Variants in VAV3 observed in about 807,000 individuals in gnomAD.
The protein encoded by VAV3 is vav guanine nucleotide exchange factor 3.
Under a neutral mutation model 131.2 loss-of-function variants are expected in VAV3, and 94 were observed. The observed-to-expected ratio is 0.72, with a 90% CI of 0.61 to 0.85. The LOEUF (loss-of-function observed/expected upper bound fraction) is 0.85. Among genes scored for constraint, VAV3 ranks in the 40% least tolerant of loss-of-function variants. The pLI is 0.00. For missense variants in VAV3, 939 were observed against 1,002.7 expected, an observed-to-expected ratio of 0.94 and a Z score of 0.86; for synonymous variants, 349 against 342.0, an observed-to-expected ratio of 1.02 and a Z score of -0.22.
intron 1 of VAV3, among the ~76,000 whole-genome samples, chr1:107,963,200 C>T (rs773545834): frequency 3.3e-5 from 5 of 152,102 alleles, no homozygotes; most frequent in Non-Finnish European, 7.4e-5. Flanking sequence ...GTACTGTACT[C>T]CCTACTGGTG....
chr1:107,822,122 C>T (rs1667817536), intron 2 of VAV3, among the ~76,000 whole-genome samples: 3 of 152,112 alleles, frequency 2.0e-5, no homozygotes, highest in Non-Finnish European at 2.9e-5. Flanking sequence ...AGCAGGCATA[C>T]TTTTTGACTG....
At chr1:107,945,900 G>C (rs2101303538) in intron 1 of VAV3, among the ~76,000 whole-genome samples, 2 of 151,612 alleles carry the variant, frequency 1.3e-5, no homozygotes, top group East Asian at 3.9e-4. Flanking sequence ...GTATACAAGG[G>C]GTATTTGGAA....
chr1:107,604,139 G>T (rs1652084942), intron 22 of VAV3, among the ~76,000 whole-genome samples: 1 of 152,130 alleles, frequency 6.6e-6, no homozygotes, highest in Non-Finnish European at 1.5e-5. Flanking sequence ...TTAGTCAATA[G>T]AACTTAAAAG....
At chr1:107,914,044 C>T (rs1672498253) in intron 1 of VAV3, among the ~76,000 whole-genome samples, 1 of 152,198 alleles carries the variant, frequency 6.6e-6, no homozygotes, top group Non-Finnish European at 1.5e-5. Flanking sequence ...ATCTGCCCGC[C>T]TTGGCCTCCC....
At chr1:107,605,416 C>T (rs761527436) in intron 22 of VAV3, among the ~76,000 whole-genome samples, 8 of 152,170 alleles carry the variant, frequency 5.3e-5, no homozygotes, top group African/African-American at 1.4e-4. Context: ...ACTGCTTCCT[C>T]GCTTTGTGAT....
chr1:107,843,500 G>A (rs1010710587), intron 2 of VAV3, among the ~76,000 whole-genome samples: 11 of 148,300 alleles, frequency 7.4e-5, no homozygotes, highest in African/African-American at 2.2e-4. Context: ...GAATTACACT[G>A]TTGAGATTAA....
At chr1:107,767,106 C>T (rs2102163629) in intron 7 of VAV3, among the ~76,000 whole-genome samples, 1 of 152,248 alleles carries the variant, frequency 6.6e-6, no homozygotes, top group South Asian at 2.1e-4. Flanking sequence ...GTACTTTGGT[C>T]AATTAGTGGT....
intron 1 of VAV3, among the ~76,000 whole-genome samples, chr1:107,913,026 C>G (rs1672443675): frequency 6.6e-6 from 1 of 152,158 alleles, no homozygotes; most frequent in Non-Finnish European, 1.5e-5. Flanking sequence ...TATACTACCT[C>G]TAAACTAAGC....
chr1:107,902,759 A>G (rs1671924422), intron 1 of VAV3, among the ~76,000 whole-genome samples: 1 of 152,192 alleles, frequency 6.6e-6, no homozygotes, highest in Non-Finnish European at 1.5e-5. Context: ...GAAGGCCAGT[A>G]GGATACAAAT....
chr1:107,852,228 T>C (rs545001974), intron 2 of VAV3, among the ~76,000 whole-genome samples: 4 of 152,322 alleles, frequency 2.6e-5, no homozygotes, highest in African/African-American at 7.2e-5. Flanking sequence ...ATTCCCTTTT[T>C]AGTTTCCCTG....
intron 15 of VAV3, among the ~76,000 whole-genome samples, chr1:107,712,261 T>C (rs1660832497): frequency 6.6e-6 from 1 of 151,848 alleles, no homozygotes; most frequent in Admixed American, 6.6e-5. Flanking sequence ...AGAGCAAGCT[T>C]GTCCAGCCCA....
At chr1:107,706,913 G>A (rs573005972) in intron 15 of VAV3, among the ~76,000 whole-genome samples, 8 of 152,188 alleles carry the variant, frequency 5.3e-5, no homozygotes, top group Admixed American at 3.9e-4. Flanking sequence ...AATCTGCCTC[G>A]GACACAGGTG....
chr1:107,695,116 G>A (rs1041148776), intron 17 of VAV3, among the ~76,000 whole-genome samples: 2 of 152,106 alleles, frequency 1.3e-5, no homozygotes, highest in African/African-American at 4.8e-5. Context: ...AAACTGGTTG[G>A]AGAACTGTGA....
intron 1 of VAV3, among the ~76,000 whole-genome samples, chr1:107,918,700 TATA>T (rs1379932822): frequency 2.4e-3 from 183 of 75,914 alleles, no homozygotes; most frequent in African/African-American, 5.6e-3. Flanking sequence ...TATATATATA[TATA>T]TATTTTTTTT....
At chr1:107,820,678 G>A (rs1358479577) in intron 2 of VAV3, 1 of 152,082 alleles carries the variant, frequency 6.6e-6, no homozygotes, top group African/African-American at 2.4e-5. Context: ...CATTTACCCT[G>A]ATGTAATTAT....
At chr1:107,624,320 A>G (rs1653832801) in intron 20 of VAV3, among the ~76,000 whole-genome samples, 1 of 151,806 alleles carries the variant, frequency 6.6e-6, no homozygotes, top group Non-Finnish European at 1.5e-5. Flanking sequence ...TTTTTTCTCC[A>G]AAGTCTCACT....
chr1:107,650,978 C>A (rs1656124765), intron 19 of VAV3, among the ~76,000 whole-genome samples: 1 of 151,888 alleles, frequency 6.6e-6, no homozygotes, highest in Non-Finnish European at 1.5e-5. Flanking sequence ...GAGTTCATGT[C>A]CTTTGTAGGG....
chr1:107,581,157 C>A (rs1288128083), intron 25 of VAV3, among the ~76,000 whole-genome samples: 1 of 152,204 alleles, frequency 6.6e-6, no homozygotes. Context: ...ACCAATACTG[C>A]GACCTTTTTC....
chr1:107,884,790 A>T (rs995817298), intron 1 of VAV3, among the ~76,000 whole-genome samples: 56 of 152,106 alleles, frequency 3.7e-4, no homozygotes, highest in Admixed American at 3.7e-3. Flanking sequence ...AAAAATTTTT[A>T]AAAATATGGC....
Sources: allele counts gnomAD v4.1 joint callset (sites outside exome capture counted in the v4.1 genomes callset), GRCh38; gene constraint gnomAD v4.1.1; transcripts MANE v1.5; gene names NCBI Gene and HGNC (gene_info 2026-07-23, HGNC 2026-07-21).